Variants in ATXN2 observed in about 807,000 individuals in gnomAD.
ATXN2 encodes ataxin-2.
A neutral mutation model predicts 138.6 loss-of-function variants in ATXN2; 37 were observed. The ratio of observed to expected loss-of-function variants is 0.27; its 90% confidence interval spans 0.21 to 0.35. The LOEUF (loss-of-function observed/expected upper bound fraction) is 0.35. Ranked by LOEUF, ATXN2 falls within the 10% of genes least tolerant of loss-of-function variation. ATXN2 has a pLI of 1.00. For missense variants in ATXN2, 1,216 were observed against 1,480.3 expected (o/e 0.82, Z 2.93); for synonymous variants, 549 against 543.7 (o/e 1.01, Z -0.13).
rs996539455 is a variant in ATXN2, at chr12:111,550,497, C to T, written c.571+1783G>A. ...TGTGGCCAATACTCTTTCCAGAGTG[C>T]TATGTATTAAATTCAACTAAAATTT... On this transcript the variant is annotated intron_variant, in intron 5 of 24. Transcript: ENST00000673436. Among the ~76,000 whole-genome samples, 4 of 151,988 alleles carry T rather than the reference C, an allele frequency of 2.6e-5. No individual in the cohort carries two copies. The East Asian group carries it at 7.7e-4, about 29-fold the overall frequency.
chr12:111,531,171 T>C (rs540081800), intron 5 of ATXN2, among the ~76,000 whole-genome samples: 1 of 152,154 alleles, frequency 6.6e-6, no homozygotes, highest in Admixed American at 6.5e-5. Context: ...TCCCAGCACT[T>C]TGGGAGGCTG....
At chr12:111,596,210 AC>A (rs1884931967) in intron 1 of ATXN2, among the ~76,000 whole-genome samples, 1 of 116,554 alleles carries the variant, frequency 8.6e-6, no homozygotes, top group African/African-American at 6.3e-5. Context: ...TCCAAAACAC[AC>A]ACACACACAC....
chr12:111,454,418 ACT>A (rs1874906189), intron 23 of ATXN2: 1 of 153,590 alleles, frequency 6.5e-6, no homozygotes, highest in Non-Finnish European at 1.4e-5. Flanking sequence ...GGCCCCCGTG[ACT>A]CTCTCAGAGA....
chr12:111,526,522 A>G (rs888842834), intron 5 of ATXN2, among the ~76,000 whole-genome samples: 1 of 151,158 alleles, frequency 6.6e-6, no homozygotes, highest in Non-Finnish European at 1.5e-5. Context: ...CTCCTGCCTC[A>G]GCCTCCCAAG....
chr12:111,453,513 CCT>C lies in ATXN2; in HGVS notation c.3439+162_3439+163del. On this transcript the variant is annotated intron_variant, in intron 24 of 24. Transcript: ENST00000673436. The surrounding 1 kb of genome is among the most constrained non-coding windows in gnomAD (Gnocchi z 5.4). ...GACTCGGCTCCCGGAAGCCTCAGGCCCTGATGCTGAACTGATCGTCACAGTCC... is the reference window on the plus strand; with the variant it reads ...GACTCGGCTCCCGGAAGCCTCAGGCCGATGCTGAACTGATCGTCACAGTCC... The C allele has an allele frequency of 7.4e-7, 1 of 1,349,918 alleles. No individual in the cohort carries two copies. The highest frequency in any genetic ancestry group is 9.5e-7 in the Non-Finnish European group (1 of 1,053,978). The allele number at this position is 1,349,918 out of a possible 1,614,324, so 83.6% of individuals were successfully genotyped here. A position where few individuals can be genotyped will look rare whatever the true frequency, so the allele number is the denominator to read the frequency against.
chr12:111,553,611 T>TTTTTTTTTTTGAGAAGGGGTCTGTC (rs1882240887), intron 3 of ATXN2, among the ~76,000 whole-genome samples: 1 of 144,082 alleles, frequency 6.9e-6, no homozygotes, highest in Non-Finnish European at 1.5e-5. Context: ...AAAATTTTTT[T>TTTTTTTTTTTGAGAAGGGGTCTGTC]TTTTGAGAAG....
chr12:111,582,958 G>A lies in ATXN2; in HGVS notation c.251+15826C>T, dbSNP rs558295789. Among the ~76,000 whole-genome samples the A allele has an allele frequency of 4.1e-5, 6 of 146,188 alleles. No individual in the cohort carries two copies. In the East Asian group the frequency reaches 8.2e-4, roughly 20 times the overall value. ...GCTGGGATTACAGGCACGAGCCACC[G>A]CGCCCGGCCAGTATCTCAGTTTTTT... On this transcript the variant is annotated intron_variant, in intron 1 of 24. Coordinates refer to ENST00000673436, the MANE Select transcript of ATXN2 (RefSeq NM_001372574.1).
At chr12:111,599,346 G>T, upstream of ATXN2, 2 of 1,160,164 alleles carry the variant, frequency 1.7e-6, no homozygotes, top group Non-Finnish European at 2.1e-6. Context: ...GGGCCGGGCG[G>T]GGGAGGGGCG....
intron 12 of ATXN2, 102 bp downstream of exon 12, chr12:111,510,283 G>T: frequency 7.8e-7 from 1 of 1,274,534 alleles, no homozygotes; most frequent in Non-Finnish European, 1.1e-6. Context: ...AAAAATACTT[G>T]TCTATGAATA....
chr12:111,552,501 A>C lies in ATXN2; in HGVS notation c.421-71T>G. 2.7e-5 allele frequency: 40 copies of C among 1,497,494 alleles called. No homozygotes were observed. Among genetic ancestry groups the C allele is most frequent in the Non-Finnish European group, 3.2e-5 (36 of 1,117,348 alleles). 92.8% of individuals were successfully genotyped at this position (1,497,494 alleles called of 1,614,324 possible). The stretch of plus-strand genomic sequence containing the variant: ...AAATTTGTTAGGAATTCTTTAGCTC[A>C]TCAAGGTACCAGTTCTTATATGCCT... On this transcript the variant is annotated intron_variant, in intron 4 of 24. Transcript: ENST00000673436. This position sits in a 1 kb window ranked among gnomAD's most constrained non-coding sequence, Gnocchi z 4.1.
chr12:111,570,408 T>C (rs1883253290), intron 1 of ATXN2, among the ~76,000 whole-genome samples: 1 of 152,240 alleles, frequency 6.6e-6, no homozygotes, highest in African/African-American at 2.4e-5. Flanking sequence ...CTAAATACGT[T>C]GAAATTTTAC....
chr12:111,553,604 A>AAAT (rs1882237738), intron 3 of ATXN2, among the ~76,000 whole-genome samples: 3 of 85,004 alleles, frequency 3.5e-5, no homozygotes, highest in Middle Eastern at 0.012. Context: ...AAAAAAAAAA[A>AAAT]TTTTTTTTTT....
At chr12:111,508,441 CTTTTTTTTTT>C (rs66643315) in intron 14 of ATXN2, among the ~76,000 whole-genome samples, 1 of 85,656 alleles carries the variant, frequency 1.2e-5, no homozygotes, top group South Asian at 4.5e-4. Flanking sequence ...AATTGAAAAA[CTTTTTTTTTT>C]TTTTTTTTTT....
intron 1 of ATXN2, among the ~76,000 whole-genome samples, chr12:111,556,809 CTG>C (rs1191601378): frequency 6.8e-6 from 1 of 146,108 alleles, no homozygotes; most frequent in Non-Finnish European, 1.5e-5. Flanking sequence ...GAGCAAGACT[CTG>C]TCTCAAAAAA....
chr12:111,519,112 A>G (rs1206574622), intron 8 of ATXN2, among the ~76,000 whole-genome samples: 2 of 151,994 alleles, frequency 1.3e-5, no homozygotes, highest in Admixed American at 6.6e-5. Context: ...TATCAAATAA[A>G]CCTCAGGCTC....
rs1196162110 is a variant in ATXN2, at chr12:111,599,002, C to T, written c.33G>A (p.Gln11=). The T allele has an allele frequency of 6.0e-6, 9 of 1,505,832 alleles. No individual in the cohort carries two copies. The highest frequency in any genetic ancestry group is 2.9e-5 in the African/African-American group (2 of 69,582). 93.3% of individuals were successfully genotyped at this position (1,505,832 alleles called of 1,614,324 possible). ...GTTGCTGCTGCTGCTGCTGCTGCTG[C>T]TGCTGCTGCTGCTGCTGGGGCTTCA... MSLKPQQQQQ[Q]QQQQQQQQQQ... The change falls in exon 1 of 25, where the codon CAG becomes CAA. Residue 11 remains glutamine, a synonymous_variant. Coordinates refer to ENST00000673436, the MANE Select transcript of ATXN2 (RefSeq NM_001372574.1).
chr12:111,519,294 C>T (rs1014663644), intron 8 of ATXN2, among the ~76,000 whole-genome samples: 11 of 152,166 alleles, frequency 7.2e-5, no homozygotes, highest in African/African-American at 2.4e-4. Flanking sequence ...TCAGTTCCTA[C>T]TATCAACTGC....
At chr12:111,455,540 T>G (rs945937317) in intron 23 of ATXN2, 4 of 270,568 alleles carry the variant, frequency 1.5e-5, no homozygotes, top group Non-Finnish European at 2.9e-5. Flanking sequence ...AAAGCAGATA[T>G]ATGGATAACC....
At chr12:111,558,384 G>A (rs940130648) in intron 1 of ATXN2, among the ~76,000 whole-genome samples, 1 of 152,164 alleles carries the variant, frequency 6.6e-6, no homozygotes, top group Non-Finnish European at 1.5e-5. Context: ...TTAGACCTAA[G>A]TATATTTATG....
Sources: gnomAD v4.1 joint callset for allele counts (sites outside exome capture counted in the v4.1 genomes callset) on GRCh38, gnomAD v4.1.1 for gene constraint, Gnocchi (gnomAD v3.1) non-coding constraint, MANE v1.5 for transcripts, NCBI Gene and HGNC (gene_info 2026-07-23, HGNC 2026-07-21) for gene names.